CORIN: variants seen among roughly 807,000 people sequenced by gnomAD.
CORIN encodes corin, serine peptidase, also known as atrial natriuretic peptide-converting enzyme.
Under a neutral mutation model 125.3 loss-of-function variants are expected in CORIN, and 117 were observed. That is an observed-to-expected ratio of 0.93 (90% confidence interval 0.80 to 1.09). The LOEUF is 1.09. Among genes scored for constraint, CORIN ranks in the 50% least tolerant of loss-of-function variants. The probability of loss-of-function intolerance (pLI) is 0.00; values close to 1 mark genes in which losing one functional copy is unlikely to be tolerated. For missense variants in CORIN, 1,253 were observed against 1,306.7 expected, an observed-to-expected ratio of 0.96 and a Z score of 0.63; for synonymous variants, 450 against 466.4, an observed-to-expected ratio of 0.96 and a Z score of 0.45.
intron 5 of CORIN, among the ~76,000 whole-genome samples, chr4:47,742,792 A>C (rs1266246985): frequency 6.6e-6 from 1 of 152,120 alleles, no homozygotes; most frequent in Non-Finnish European, 1.5e-5. Context: ...AGGGCCAAAA[A>C]TAGTCAATCT....
At chr4:47,719,880 CTA>C (rs1318302625) in intron 5 of CORIN, among the ~76,000 whole-genome samples, 1 of 152,170 alleles carries the variant, frequency 6.6e-6, no homozygotes, top group Non-Finnish European at 1.5e-5. Context: ...TTCAAATATT[CTA>C]TATGCTATTT....
intron 16 of CORIN, 82 bp from the exon 17 acceptor site, chr4:47,626,603 C>T (rs1434840750): frequency 1.8e-5 from 16 of 882,316 alleles, no homozygotes; most frequent in African/African-American, 1.3e-4. Flanking sequence ...CACTCATTCC[C>T]TTTCAAAAAG....
chr4:47,744,256 A>C (rs554395106), intron 5 of CORIN, 146 bp downstream of exon 5: 145 of 721,052 alleles, frequency 2.0e-4, no homozygotes, highest in Non-Finnish European at 3.0e-4. Context: ...TTAATATTCT[A>C]TTCCTTGATC....
Position 47,733,986 on chromosome 4 carries a change from G to T in CORIN, c.799+10416C>A, listed in dbSNP as rs147803963. ...GGCTCGATTCACTCTGGAAAGACAC[G>T]TGAGAGCTCTTGTGAGAAGGGGGCT... On this transcript the variant is annotated intron_variant, in intron 5 of 21. Transcript: ENST00000273857. Among the ~76,000 whole-genome samples, 629 of 152,216 alleles carry T rather than the reference G, an allele frequency of 4.1e-3. 3 individuals are homozygous for T. Among genetic ancestry groups the T allele is most frequent in the African/African-American group, 0.014 (589 of 41,528 alleles).
Position 47,603,348 on chromosome 4 carries a change from C to T in CORIN, c.2812+49G>A, listed in dbSNP as rs775846681. 27 of 1,566,958 alleles carry T rather than the reference C, an allele frequency of 1.7e-5. No individual in the cohort carries two copies. The East Asian group carries it at 4.9e-4, about 29-fold the overall frequency. On this transcript the variant is annotated intron_variant, in intron 20 of 21. Coordinates refer to ENST00000273857, the MANE Select transcript of CORIN (RefSeq NM_006587.4). ...CTTTCCTTTATAAATTACCCACTCTCAGGTATGTGCTTATAGCAGCATGAG... is the reference window on the plus strand; with the variant it reads ...CTTTCCTTTATAAATTACCCACTCTTAGGTATGTGCTTATAGCAGCATGAG...
chr4:47,749,489 T>C (rs1728808129), intron 4 of CORIN, among the ~76,000 whole-genome samples: 1 of 152,196 alleles, frequency 6.6e-6, no homozygotes. Flanking sequence ...AGCTTGGAAG[T>C]TGATCCTTCC....
At chr4:47,628,198 C>T (rs1004582781) in intron 16 of CORIN, among the ~76,000 whole-genome samples, 4 of 152,172 alleles carry the variant, frequency 2.6e-5, no homozygotes, top group African/African-American at 7.2e-5. Flanking sequence ...GAAATGTCAT[C>T]CAATGGCCCA....
chr4:47,633,113 T>C (rs4694862), intron 16 of CORIN, among the ~76,000 whole-genome samples: 39,697 of 152,004 alleles, frequency 0.26, 5,410 homozygotes, highest in Admixed American at 0.36. Context: ...TGTGTTTGTC[T>C]ATCTCAGAGA....
chr4:47,768,782 G>A (rs1729884171), intron 3 of CORIN, among the ~76,000 whole-genome samples: 1 of 152,152 alleles, frequency 6.6e-6, no homozygotes. Context: ...ATCCTTTCAT[G>A]ATAAGACCTT....
chr4:47,702,287 C>A (rs1726333720), intron 5 of CORIN, among the ~76,000 whole-genome samples: 1 of 151,788 alleles, frequency 6.6e-6, no homozygotes, highest in African/African-American at 2.4e-5. Flanking sequence ...AGGATGGTTT[C>A]TATAAAAGAG....
intron 19 of CORIN, among the ~76,000 whole-genome samples, chr4:47,623,117 T>TACACAC (rs1553904959): frequency 1.0e-3 from 135 of 134,270 alleles, no homozygotes; most frequent in African/African-American, 2.2e-3. Flanking sequence ...TATATATATA[T>TACACAC]ACACACACAC....
At chr4:47,600,011 C>T (rs1461987079) in intron 21 of CORIN, among the ~76,000 whole-genome samples, 2 of 152,302 alleles carry the variant, frequency 1.3e-5, no homozygotes, top group Non-Finnish European at 2.9e-5. Flanking sequence ...CAGTAGAAGG[C>T]ACCCTGAATA....
At chr4:47,792,499 G>A (rs1025936054) in intron 2 of CORIN, among the ~76,000 whole-genome samples, 4 of 152,184 alleles carry the variant, frequency 2.6e-5, no homozygotes, top group African/African-American at 9.7e-5. Context: ...TTAGGAGAAA[G>A]CTCCAAAGAT....
intron 2 of CORIN, among the ~76,000 whole-genome samples, chr4:47,798,930 C>T (rs759844062): frequency 3.3e-5 from 5 of 151,208 alleles, no homozygotes; most frequent in Non-Finnish European, 5.9e-5. Flanking sequence ...GTCTATTGTT[C>T]CCATCTTTAT....
intron 7 of CORIN, chr4:47,683,120 A>G (rs1295166715): frequency 6.6e-6 from 1 of 152,258 alleles, no homozygotes; most frequent in East Asian, 1.9e-4. Flanking sequence ...CTAGTCACAA[A>G]GCCAAAAAAG....
At chr4:47,640,135 A>C (rs1373533958) in intron 16 of CORIN, among the ~76,000 whole-genome samples, 2 of 152,178 alleles carry the variant, frequency 1.3e-5, no homozygotes, top group Non-Finnish European at 2.9e-5. Context: ...TATATATCTA[A>C]AGATATCTAA....
intron 20 of CORIN, 21 bp downstream of exon 20, chr4:47,603,376 T>G: frequency 6.2e-7 from 1 of 1,610,354 alleles, no homozygotes. Context: ...AGCATGAGAA[T>G]GGACTAATAC....
At chr4:47,717,362 C>T (rs1364121596) in intron 5 of CORIN, among the ~76,000 whole-genome samples, 3 of 152,126 alleles carry the variant, frequency 2.0e-5, no homozygotes, top group Non-Finnish European at 4.4e-5. Context: ...ATGCAGACTC[C>T]CGGGATCTCA....
chr4:47,813,928 A>C (rs1437622218), intron 1 of CORIN, among the ~76,000 whole-genome samples: 1 of 152,222 alleles, frequency 6.6e-6, no homozygotes, highest in African/African-American at 2.4e-5. Flanking sequence ...CTCAAACCAA[A>C]ATGAGAATGT....
Sources: gnomAD v4.1 joint callset for allele counts (sites outside exome capture counted in the v4.1 genomes callset) on GRCh38, gnomAD v4.1.1 for gene constraint, MANE v1.5 for transcripts, NCBI Gene and HGNC (gene_info 2026-07-23, HGNC 2026-07-21) for gene names.